IQCJ: variants seen among roughly 807,000 people sequenced by gnomAD.
The protein encoded by IQCJ is IQ motif containing J, also known as IQ domain-containing protein J.
A neutral mutation model predicts 11.0 loss-of-function variants in IQCJ; 9 were observed. That is an observed-to-expected ratio of 0.82 (90% confidence interval 0.49 to 1.43). The LOEUF is 1.43. Ranked by LOEUF, IQCJ falls within the 40% of genes most tolerant of loss-of-function variation. The probability of loss-of-function intolerance (pLI) is 0.00; values close to 1 mark genes in which losing one functional copy is unlikely to be tolerated. For missense variants in IQCJ, 146 were observed against 133.2 expected (o/e 1.10, Z -0.47); for synonymous variants, 55 against 51.3 (o/e 1.07, Z -0.31).
At chr3:159,106,423 G>A (rs1412614424) in intron 1 of IQCJ, among the ~76,000 whole-genome samples, 1 of 151,988 alleles carries the variant, frequency 6.6e-6, no homozygotes, top group Non-Finnish European at 1.5e-5. Flanking sequence ...AGAGAGTGGA[G>A]GGCTTAGCCT....
At chr3:159,081,869 C>T (rs951665433) in intron 1 of IQCJ, among the ~76,000 whole-genome samples, 4 of 152,112 alleles carry the variant, frequency 2.6e-5, no homozygotes, top group Non-Finnish European at 5.9e-5. Context: ...AATAAACATA[C>T]TTTTCTGTCA....
At chr3:159,087,938 AGT>A (rs1716920958) in intron 1 of IQCJ, among the ~76,000 whole-genome samples, 1 of 146,994 alleles carries the variant, frequency 6.8e-6, no homozygotes, top group Non-Finnish European at 1.5e-5. Flanking sequence ...CTCTGATTTT[AGT>A]TATTTCTTGC....
At chr3:159,092,699 A>ACACACAC (rs1553775246) in intron 1 of IQCJ, among the ~76,000 whole-genome samples, 3 of 141,600 alleles carry the variant, frequency 2.1e-5, no homozygotes, top group Non-Finnish European at 4.5e-5. Context: ...CTCCATCACA[A>ACACACAC]ACACACACAC....
At chr3:159,193,135 G>A (rs1723785447) in intron 1 of IQCJ, among the ~76,000 whole-genome samples, 1 of 152,120 alleles carries the variant, frequency 6.6e-6, no homozygotes, top group African/African-American at 2.4e-5. Flanking sequence ...AATTGGGTAG[G>A]AGAGTACTGA....
At chr3:159,117,516 A>G (rs892751723) in intron 1 of IQCJ, among the ~76,000 whole-genome samples, 1 of 152,210 alleles carries the variant, frequency 6.6e-6, no homozygotes, top group Admixed American at 6.5e-5. Context: ...TACAAAGCAT[A>G]TGCTAGGAAC....
At chr3:159,249,980 G>A (rs1404725077) in intron 2 of IQCJ, among the ~76,000 whole-genome samples, 2 of 152,094 alleles carry the variant, frequency 1.3e-5, no homozygotes, top group Non-Finnish European at 2.9e-5. Flanking sequence ...AATTGGTAAG[G>A]CCATTAATTG....
chr3:159,161,595 A>G (rs1379952812), intron 1 of IQCJ, among the ~76,000 whole-genome samples: 1 of 152,186 alleles, frequency 6.6e-6, no homozygotes, highest in Non-Finnish European at 1.5e-5. Context: ...TTAGACATGA[A>G]GTCCTTGCCC....
intron 1 of IQCJ, among the ~76,000 whole-genome samples, chr3:159,230,748 C>G (rs529727086): frequency 1.8e-4 from 28 of 152,322 alleles, no homozygotes; most frequent in African/African-American, 5.8e-4. Context: ...AGAACTCATA[C>G]TATTACATAC....
intron 1 of IQCJ, among the ~76,000 whole-genome samples, chr3:159,245,458 CTTT>C (rs34153369): frequency 3.5e-5 from 4 of 113,054 alleles, no homozygotes; most frequent in Non-Finnish European, 3.6e-5. Flanking sequence ...GTCCTGAATT[CTTT>C]TTTTTTTTTT....
At chr3:159,199,861 A>G (rs1306087575) in intron 1 of IQCJ, among the ~76,000 whole-genome samples, 1 of 151,918 alleles carries the variant, frequency 6.6e-6, no homozygotes, top group Non-Finnish European at 1.5e-5. Context: ...GGAGCAGCAT[A>G]GTATAGTGGC....
intron 1 of IQCJ, among the ~76,000 whole-genome samples, chr3:159,240,620 T>C (rs1462487469): frequency 1.3e-5 from 2 of 152,232 alleles, no homozygotes; most frequent in African/African-American, 2.4e-5. Context: ...CACTCTATAA[T>C]AGATCTCAAT....
intron 1 of IQCJ, among the ~76,000 whole-genome samples, chr3:159,152,818 A>T (rs1721306398): frequency 6.6e-6 from 1 of 152,252 alleles, no homozygotes; most frequent in Admixed American, 6.5e-5. Flanking sequence ...TAATTTCCTC[A>T]GAAACAGGAT....
intron 1 of IQCJ, among the ~76,000 whole-genome samples, chr3:159,088,120 C>A (rs1324251992): frequency 6.6e-6 from 1 of 152,062 alleles, no homozygotes; most frequent in Admixed American, 6.5e-5. Flanking sequence ...TATGTTGTGT[C>A]TTTGTTCTCG....
rs1449010 is a variant in IQCJ, at chr3:159,258,738, A to T, written c.156-3810A>T. ...AAAAAATAGTACTTTCTCATAAAAA[A>T]TCAAGATTTCTGGCTGTTCTTGAAA... On this transcript the variant is annotated intron_variant, in intron 3 of 3. Coordinates refer to ENST00000397832, the MANE Select transcript of IQCJ (RefSeq NM_001042706.3). Among the ~76,000 whole-genome samples the T allele has an allele frequency of 5.9e-3, 896 of 152,278 alleles. 7 individuals are homozygous for T. The highest frequency in any genetic ancestry group is 0.02 in the African/African-American group (827 of 41,550).
At chr3:159,174,303 CT>C (rs1470784474) in intron 1 of IQCJ, among the ~76,000 whole-genome samples, 1 of 152,022 alleles carries the variant, frequency 6.6e-6, no homozygotes, top group South Asian at 2.1e-4. Context: ...GTGACATTTC[CT>C]TTTGGTTAGA....
intron 1 of IQCJ, among the ~76,000 whole-genome samples, chr3:159,145,513 T>A (rs1720875464): frequency 2.6e-5 from 4 of 152,064 alleles, no homozygotes; most frequent in Admixed American, 2.6e-4. Flanking sequence ...GAGTGTGAGT[T>A]GTAAAAAAAT....
chr3:159,090,620 T>C lies in IQCJ; in HGVS notation c.9+21179T>C, dbSNP rs141933183. ...TATGGGTGTGTCATATTGGAGGAAA[T>C]GAAATGAAGGTCAGCTGTGAGGAAG... On this transcript the variant is annotated intron_variant, in intron 1 of 3. Transcript: ENST00000397832. 3.9e-3 allele frequency among the ~76,000 whole-genome samples: 588 copies of C among 151,620 alleles called. 14 individuals carry two copies. Among genetic ancestry groups the C allele is most frequent in the African/African-American group, 0.013 (524 of 41,040 alleles).
At chr3:159,253,352 G>T (rs528382894) in intron 3 of IQCJ, among the ~76,000 whole-genome samples, 1 of 152,002 alleles carries the variant, frequency 6.6e-6, no homozygotes, top group South Asian at 2.1e-4. Context: ...TTAAAATAGT[G>T]CTAACAACAT....
At chr3:159,101,503 G>A (rs1028693535) in intron 1 of IQCJ, among the ~76,000 whole-genome samples, 7 of 152,182 alleles carry the variant, frequency 4.6e-5, no homozygotes, top group Admixed American at 3.3e-4. Flanking sequence ...TCATGGGAAG[G>A]GGAGAGCCAC....
Sources: gnomAD v4.1 joint callset for allele counts (sites outside exome capture counted in the v4.1 genomes callset) on GRCh38, gnomAD v4.1.1 for gene constraint, MANE v1.5 for transcripts, NCBI Gene and HGNC (gene_info 2026-07-23, HGNC 2026-07-21) for gene names.